The following NUP50 variants were observed in gnomAD, a reference collection of about 807,000 sequenced individuals.
NUP50 encodes nucleoporin 50.
A neutral mutation model predicts 36.8 loss-of-function variants in NUP50; 14 were observed. The ratio of observed to expected loss-of-function variants is 0.38; its 90% CI spans 0.25 to 0.59. NUP50 has a LOEUF of 0.59. Among genes scored for constraint, NUP50 ranks in the 20% least tolerant of loss-of-function variants. The pLI is 0.63. For synonymous variants in NUP50, 195 were observed against 210.8 expected, an observed-to-expected ratio of 0.93 and a Z score of 0.65; for missense variants, 455 against 564.6, an observed-to-expected ratio of 0.81 and a Z score of 1.97.
intron 3 of NUP50, among the ~76,000 whole-genome samples, chr22:45,172,508 C>T (rs369850589): frequency 1.1e-4 from 16 of 151,996 alleles, no homozygotes; most frequent in Non-Finnish European, 1.6e-4. Context: ...TTAGAGGTGC[C>T]GTGCCAGTAA....
intron 3 of NUP50, 83 bp from the exon 4 acceptor site, chr22:45,175,811 A>C (rs927618819): frequency 7.2e-7 from 1 of 1,387,464 alleles, no homozygotes; most frequent in East Asian, 2.3e-5. Flanking sequence ...GGTGCTGTTT[A>C]GCCAAGATGC....
chr22:45,176,422 T>TTGTGTGCCAAGGGCTTTC (rs1177037344), intron 4 of NUP50, among the ~76,000 whole-genome samples: 1 of 152,092 alleles, frequency 6.6e-6, no homozygotes, highest in Non-Finnish European at 1.5e-5. Flanking sequence ...TGTAGACCCT[T>TTGTGTGCCAAGGGCTTTC]TGTGTGCCAA....
At chr22:45,183,085 CGGGGGG>C (rs60488848) in intron 6 of NUP50, among the ~76,000 whole-genome samples, 5 of 114,204 alleles carry the variant, frequency 4.4e-5, no homozygotes, top group African/African-American at 6.7e-5. Context: ...GGGTTGGGGG[CGGGGGG>C]GGGGGGGGGT....
intron 3 of NUP50, among the ~76,000 whole-genome samples, chr22:45,172,804 T>C (rs538749720): frequency 3.9e-5 from 6 of 152,322 alleles, no homozygotes; most frequent in African/African-American, 1.4e-4. Context: ...AGCCAGTCAC[T>C]CAGAGCGTCT....
intron 2 of NUP50, among the ~76,000 whole-genome samples, chr22:45,170,262 A>G (rs2074166880): frequency 6.6e-6 from 1 of 151,606 alleles, no homozygotes; most frequent in Admixed American, 6.6e-5. Context: ...GTAGTCCCCC[A>G]GGCCCAGCTG....
At chr22:45,173,890 C>T (rs1601776037) in intron 3 of NUP50, among the ~76,000 whole-genome samples, 1 of 152,180 alleles carries the variant, frequency 6.6e-6, no homozygotes, top group Non-Finnish European at 1.5e-5. Flanking sequence ...ATAATTTTAG[C>T]TGTAACTCTT....
chr22:45,186,383 G>A lies in NUP50; in HGVS notation c.*1728G>A, dbSNP rs1433270313. The A allele has an allele frequency of 6.6e-6, 1 of 152,186 alleles. No individual in the cohort carries two copies. The highest frequency in any genetic ancestry group is 1.5e-5 in the Non-Finnish European group (1 of 68,024). The allele number at this position is 152,186 out of a possible 1,614,324, so 9.4% of individuals were successfully genotyped here. A position where few individuals can be genotyped will look rare whatever the true frequency, so the allele number is the denominator to read the frequency against. ...CAAGCGGTTGATGCTGTTAATACCGGCCCCACCCGATTGACATTAAGTTTA... is the reference window on the plus strand; with the variant it reads ...CAAGCGGTTGATGCTGTTAATACCGACCCCACCCGATTGACATTAAGTTTA... On this transcript the variant is annotated 3_prime_UTR_variant, in exon 8 of 8. Coordinates refer to ENST00000347635, the MANE Select transcript of NUP50 (RefSeq NM_007172.4).
In NUP50 at chr22:45,178,520, C is replaced by G; in HGVS notation, c.623C>G (p.Ser208Cys). The G allele has an allele frequency of 6.2e-7, 1 of 1,612,104 alleles. No homozygotes were observed. Among genetic ancestry groups the G allele is most frequent in the Non-Finnish European group, 8.5e-7 (1 of 1,179,860 alleles). ...EQQHGNSGRN[S>C]ESESNKVAAE... ...CAACACGGGAACAGTGGCAGGAATTCTGAAAGTGAATCTAACAAAGTGGCA... is the reference window on the plus strand; with the variant it reads ...CAACACGGGAACAGTGGCAGGAATTGTGAAAGTGAATCTAACAAAGTGGCA... Residue 208 changes from serine to cysteine, a missense_variant, in exon 5 of 8, where the codon TCT becomes TGT. Ser to Cys is a moderately radical substitution (Grantham distance 112, BLOSUM62 -1). Coordinates refer to ENST00000347635, the MANE Select transcript of NUP50 (RefSeq NM_007172.4).
At chr22:45,174,115 C>T (rs959691593) in intron 3 of NUP50, among the ~76,000 whole-genome samples, 9 of 151,604 alleles carry the variant, frequency 5.9e-5, no homozygotes, top group African/African-American at 2.2e-4. Context: ...ACAGTAAAAC[C>T]AATGAGGGAA....
At position 45,185,140 on chromosome 22, in the gene NUP50, G is replaced by T. The variant is rs1601795190; in HGVS notation, c.*485G>T. ...GTTACCAAATGAACCGGGCTGCCAC[G>T]CTGTGACAGGCGTTTGTCCTCTGCT... On this transcript the variant is annotated 3_prime_UTR_variant, in exon 8 of 8. Coordinates refer to ENST00000347635, the MANE Select transcript of NUP50 (RefSeq NM_007172.4). 5.7e-6 allele frequency: 1 copy of T among 174,784 alleles called. No homozygotes were observed. Among genetic ancestry groups the T allele is most frequent in the Non-Finnish European group, 1.2e-5 (1 of 81,210 alleles). The allele number at this position is 174,784 out of a possible 1,614,324, so 10.8% of individuals were successfully genotyped here.
intron 2 of NUP50, among the ~76,000 whole-genome samples, chr22:45,170,375 CG>C (rs1357817182): frequency 6.6e-6 from 1 of 152,138 alleles, no homozygotes; most frequent in East Asian, 1.9e-4. Flanking sequence ...ACTCTACAGT[CG>C]TACCTTATCA....
intron 5 of NUP50, chr22:45,179,266 TG>T: frequency 5.3e-6 from 1 of 188,778 alleles, no homozygotes; most frequent in East Asian, 1.4e-4. Flanking sequence ...TGAATTGATT[TG>T]TACTTAGGAG....
At chr22:45,172,288 G>C (rs1179324903) in intron 3 of NUP50, 2 of 151,088 alleles carry the variant, frequency 1.3e-5, no homozygotes, top group Non-Finnish European at 3.0e-5. Flanking sequence ...TCTGGTGTTA[G>C]GCAGGAGATG....
In NUP50 at chr22:45,178,765, C is replaced by T; in HGVS notation, c.868C>T (p.Leu290=). The change falls in exon 5 of 8, where the codon CTG becomes TTG. Residue 290 remains leucine, a synonymous_variant. Transcript: ENST00000347635. ...SVLGSLSSVP[L]TGFSFSPGNS... ...TTTGGGCTCATTAAGCTCTGTCCCC[C>T]TGACTGGATTTTCTTTCTCCCCTGG... is the stretch of plus-strand genomic sequence containing the variant. 1.9e-6 allele frequency: 3 copies of T among 1,613,962 alleles called. No homozygotes were observed. Among genetic ancestry groups the T allele is most frequent in the Non-Finnish European group, 2.5e-6 (3 of 1,179,920 alleles).
intron 5 of NUP50, among the ~76,000 whole-genome samples, chr22:45,180,842 TAAA>T (rs11416722): frequency 6.1e-5 from 9 of 147,258 alleles, no homozygotes; most frequent in South Asian, 2.1e-4. Flanking sequence ...TGTCCCCTGT[TAAA>T]AAAAAAAAAA....
chr22:45,179,970 C>T (rs1487617491), intron 5 of NUP50, among the ~76,000 whole-genome samples: 3 of 152,230 alleles, frequency 2.0e-5, no homozygotes, highest in Non-Finnish European at 2.9e-5. Flanking sequence ...TGAAATATTA[C>T]GGTTTTCTAT....
chr22:45,168,898 A>ATTTTT (rs34675932), intron 2 of NUP50, among the ~76,000 whole-genome samples: 2 of 132,010 alleles, frequency 1.5e-5, no homozygotes. Context: ...TATAAAAAAA[A>ATTTTT]TTTTTTTTTT....
At chr22:45,164,475 G>C (rs2074061684) in intron 1 of NUP50, 179 bp downstream of exon 1, 1 of 153,814 alleles carries the variant, frequency 6.5e-6, no homozygotes, top group African/African-American at 2.4e-5. Flanking sequence ...CGGGCCCCTG[G>C]GGAGGGGTGC....
chr22:45,183,584 G>GCTGA (rs1569058018), intron 7 of NUP50, 64 bp downstream of exon 7: 1 of 1,002,820 alleles, frequency 1.0e-6, no homozygotes, highest in Non-Finnish European at 1.6e-6. Flanking sequence ...CGTTTACCCT[G>GCTGA]CTGACTCAAG....
Sources: gnomAD v4.1 joint callset for allele counts (sites outside exome capture counted in the v4.1 genomes callset) on GRCh38, gnomAD v4.1.1 for gene constraint, MANE v1.5 for transcripts, NCBI Gene and HGNC (gene_info 2026-07-23, HGNC 2026-07-21) for gene names.